Variants in ANAPC7 observed in about 807,000 individuals in gnomAD.
The protein encoded by ANAPC7 is anaphase promoting complex subunit 7.
In ANAPC7, 25 loss-of-function variants were observed where a neutral mutation model predicts 63.3. The observed-to-expected ratio is 0.39, with a 90% CI of 0.29 to 0.55. The LOEUF (loss-of-function observed/expected upper bound fraction) is 0.55, where lower values mean the gene tolerates loss of function less well. Among genes scored for constraint, ANAPC7 ranks in the 20% least tolerant of loss-of-function variants. ANAPC7 has a pLI of 0.57. For synonymous variants in ANAPC7, 241 were observed against 251.7 expected, an observed-to-expected ratio of 0.96 and a Z score of 0.40; for missense variants, 516 against 691.7, an observed-to-expected ratio of 0.75 and a Z score of 2.85.
chr12:110,374,944 T>C (rs1018634861), intron 10 of ANAPC7, among the ~76,000 whole-genome samples: 2 of 150,958 alleles, frequency 1.3e-5, no homozygotes, highest in African/African-American at 2.4e-5. Flanking sequence ...TCAGAGCCTC[T>C]AGAACATTCA....
intron 8 of ANAPC7, among the ~76,000 whole-genome samples, chr12:110,379,852 G>A (rs1422259776): frequency 6.6e-6 from 1 of 152,146 alleles, no homozygotes; most frequent in Admixed American, 6.5e-5. Context: ...AAACGTTGCT[G>A]AAACTGGCAC....
chr12:110,381,940 C>A lies in ANAPC7; in HGVS notation c.944G>T (p.Ser315Ile). The A allele has an allele frequency of 1.3e-6, 1 of 784,982 alleles. No homozygotes were observed. The highest frequency in any genetic ancestry group is 1.6e-5 in the South Asian group (1 of 63,412). The allele number at this position is 784,982 out of a possible 1,614,324, so 48.6% of individuals were successfully genotyped here. A position where few individuals can be genotyped will look rare whatever the true frequency, so the allele number is the denominator to read the frequency against. ...AEPWVVSGCH[S>I]FYSKRYSRAL... ...CCGGGAGTAGCGTTTGCTATAGAAGCTGTGACAGCTGGAGAAAAAAAAAAA... is the reference window on the plus strand; with the variant it reads ...CCGGGAGTAGCGTTTGCTATAGAAGATGTGACAGCTGGAGAAAAAAAAAAA... Residue 315 changes from serine to isoleucine, a missense_variant, in exon 8 of 11, where the codon AGC becomes ATC. Physicochemically the swap from Ser to Ile is moderately radical, Grantham distance 142. Coordinates refer to ENST00000455511, the MANE Select transcript of ANAPC7 (RefSeq NM_016238.3).
chr12:110,387,575 G>T, intron 5 of ANAPC7, 164 bp downstream of exon 5: 1 of 718,784 alleles, frequency 1.4e-6, no homozygotes, highest in Non-Finnish European at 2.2e-6. Flanking sequence ...ATGATTACAT[G>T]ATTACATTTG....
chr12:110,387,239 C>CAGAGAGAGAG (rs1566268639), intron 5 of ANAPC7: 10 of 35,278 alleles, frequency 2.8e-4, no homozygotes, highest in Non-Finnish European at 3.5e-4. Flanking sequence ...GAGAGAGAGA[C>CAGAGAGAGAG]AGAGAGACAG....
chr12:110,392,388 T>C (rs549162514), intron 3 of ANAPC7, among the ~76,000 whole-genome samples: 55 of 152,284 alleles, frequency 3.6e-4, no homozygotes, highest in African/African-American at 1.2e-3. Flanking sequence ...CATGTTCTCA[T>C]CAAGTTTGGT....
chr12:110,386,370 GAGGAC>G lies in ANAPC7; in HGVS notation c.769_773del (p.Val257GlnfsTer3). On this transcript the variant is annotated frameshift_variant, in exon 6 of 11. Transcript: ENST00000455511. LOFTEE classifies it high-confidence loss of function. Reference sequence around the variant, plus strand: ...CCAACATCTGTGCCTGTTCAAACTTGAGGACAGAGTTTTTATTGTCTCCAGCTCTG... The same window carrying G: ...CCAACATCTGTGCCTGTTCAAACTTGAGAGTTTTTATTGTCTCCAGCTCTG... The G allele has an allele frequency of 6.2e-7, 1 of 1,614,086 alleles. No individual in the cohort carries two copies. The highest frequency in any genetic ancestry group is 8.5e-7 in the Non-Finnish European group (1 of 1,180,024).
intron 3 of ANAPC7, among the ~76,000 whole-genome samples, chr12:110,393,020 C>T (rs1455966641): frequency 1.3e-5 from 2 of 152,086 alleles, no homozygotes; most frequent in African/African-American, 2.4e-5. Context: ...GTCTCGAACT[C>T]CCAACCTCAG....
chr12:110,402,320 G>C (rs1391336075), intron 1 of ANAPC7, among the ~76,000 whole-genome samples: 1 of 151,480 alleles, frequency 6.6e-6, no homozygotes, highest in Non-Finnish European at 1.5e-5. Flanking sequence ...ATTTTCATAA[G>C]TGCAATAAAG....
At chr12:110,384,991 C>T (rs1882326734) in intron 6 of ANAPC7, among the ~76,000 whole-genome samples, 1 of 152,174 alleles carries the variant, frequency 6.6e-6, no homozygotes, top group East Asian at 1.9e-4. Flanking sequence ...GGGCTGGGTG[C>T]AGTGGCTCAG....
At chr12:110,384,701 A>C (rs1882298143) in intron 6 of ANAPC7, among the ~76,000 whole-genome samples, 1 of 151,898 alleles carries the variant, frequency 6.6e-6, no homozygotes, top group South Asian at 2.1e-4. Context: ...AAAAACAAAA[A>C]AAACAAAAAA....
At chr12:110,394,572 T>C (rs1025987475) in intron 3 of ANAPC7, among the ~76,000 whole-genome samples, 1 of 146,502 alleles carries the variant, frequency 6.8e-6, no homozygotes, top group African/African-American at 2.5e-5. Flanking sequence ...GAGGTTGCAG[T>C]GAGCCCCCAT....
chr12:110,377,625 A>G lies in ANAPC7; in HGVS notation c.1133-8T>C. On this transcript the variant is annotated splice_region_variant and splice_polypyrimidine_tract_variant and intron_variant, in intron 8 of 10. Coordinates refer to ENST00000455511, the MANE Select transcript of ANAPC7 (RefSeq NM_016238.3). ...AGTAACATTCGATAAGACCTGAAAAAAGTAAAACACGTGAAGACATTCAAT... is the reference window on the plus strand; with the variant it reads ...AGTAACATTCGATAAGACCTGAAAAGAGTAAAACACGTGAAGACATTCAAT... 1 of 1,614,180 alleles carries G rather than the reference A, an allele frequency of 6.2e-7. No homozygotes were observed. The highest frequency in any genetic ancestry group is 8.5e-7 in the Non-Finnish European group (1 of 1,179,994).
intron 1 of ANAPC7, among the ~76,000 whole-genome samples, chr12:110,397,684 G>A (rs1419467399): frequency 1.3e-5 from 2 of 152,036 alleles, no homozygotes; most frequent in East Asian, 3.9e-4. Flanking sequence ...GATCACCTGA[G>A]GTCAGGAGTT....
At position 110,403,635 on chromosome 12, in the gene ANAPC7, T is replaced by G; in HGVS notation, c.-8A>C. The G allele has an allele frequency of 6.3e-7, 1 of 1,594,226 alleles. No individual in the cohort carries two copies. On this transcript the variant is annotated 5_prime_UTR_variant, in exon 1 of 11. Transcript: ENST00000455511. ...GTGGTCTATCACATTCATCCTGCTC[T>G]GCAAAGCCGCGGGCAGCGGCGGCAG... is the stretch of plus-strand genomic sequence containing the variant.
At chr12:110,380,724 G>T (rs1166674739) in intron 8 of ANAPC7, among the ~76,000 whole-genome samples, 1 of 151,400 alleles carries the variant, frequency 6.6e-6, no homozygotes, top group African/African-American at 2.4e-5. Context: ...GGAGGCCGAG[G>T]CGGGCGGATC....
At chr12:110,390,601 A>T (rs918080069) in intron 3 of ANAPC7, among the ~76,000 whole-genome samples, 18 of 152,206 alleles carry the variant, frequency 1.2e-4, no homozygotes, top group Non-Finnish European at 1.2e-4. Context: ...ATTCACACTA[A>T]TTCAAACAAT....
chr12:110,403,673 A>C lies in ANAPC7; in HGVS notation c.-46T>G. 6.4e-7 allele frequency: 1 copy of C among 1,558,660 alleles called. No homozygotes were observed. The highest frequency in any genetic ancestry group is 8.7e-7 in the Non-Finnish European group (1 of 1,150,598). On this transcript the variant is annotated 5_prime_UTR_variant, in exon 1 of 11. Transcript: ENST00000455511. ...GCAGCGGCGGCAGCACTGACTCGAA[A>C]AGCCGGTAGAGGATCCTTAGGGAAG... is the stretch of plus-strand genomic sequence containing the variant.
chr12:110,374,909 C>T (rs1881120589), intron 10 of ANAPC7, among the ~76,000 whole-genome samples: 1 of 152,114 alleles, frequency 6.6e-6, no homozygotes, highest in South Asian at 2.1e-4. Context: ...AGTGTCAGTA[C>T]ATACGCCACC....
At chr12:110,386,071 C>T (rs1882423716) in intron 6 of ANAPC7, among the ~76,000 whole-genome samples, 1 of 151,858 alleles carries the variant, frequency 6.6e-6, no homozygotes, top group Non-Finnish European at 1.5e-5. Flanking sequence ...GAGCTATGAC[C>T]CCCTCAAAAG....
Sources: allele counts gnomAD v4.1 joint callset (sites outside exome capture counted in the v4.1 genomes callset), GRCh38; gene constraint gnomAD v4.1.1; transcripts MANE v1.5; gene names NCBI Gene and HGNC (gene_info 2026-07-23, HGNC 2026-07-21).